DOK6: variants seen among roughly 807,000 people sequenced by gnomAD.
DOK6 encodes the protein downstream of tyrosine kinase 6.
A neutral mutation model predicts 44.0 loss-of-function variants in DOK6; 22 were observed. That is an observed-to-expected ratio of 0.50 (90% confidence interval 0.36 to 0.71). The LOEUF is 0.71. Among genes scored for constraint, DOK6 ranks in the 30% least tolerant of loss-of-function variants. DOK6 has a pLI of 0.00. For missense variants in DOK6, 340 were observed against 416.4 expected (o/e 0.82, Z 1.60); for synonymous variants, 166 against 145.5 (o/e 1.14, Z -1.01).
rs1015548957 is a variant in DOK6, at chr18:69,674,671, C to T, written c.290-3063C>T. 1.6e-4 allele frequency among the ~76,000 whole-genome samples: 24 copies of T among 152,144 alleles called. No homozygotes were observed. The Middle Eastern group carries it at 0.01, about 65-fold the overall frequency. On this transcript the variant is annotated intron_variant, in intron 3 of 7. Coordinates refer to ENST00000382713, the MANE Select transcript of DOK6 (RefSeq NM_152721.6). The stretch of plus-strand genomic sequence containing the variant: ...ACTCACACACACTGATATACACGCA[C>T]GCTCACTAACACACACATCATCATT...
chr18:69,432,277 T>C (rs895319486), intron 1 of DOK6, among the ~76,000 whole-genome samples: 43 of 152,118 alleles, frequency 2.8e-4, no homozygotes, highest in African/African-American at 1.0e-3. Context: ...AACCTGTCTC[T>C]ACAAAAAATT....
intron 1 of DOK6, among the ~76,000 whole-genome samples, chr18:69,542,282 C>T (rs17774349): frequency 0.18 from 27,659 of 151,300 alleles, 3,752 homozygotes; most frequent in Middle Eastern, 0.35. Flanking sequence ...TCTGCCTGAC[C>T]GACCCATTTT....
chr18:69,522,162 T>C (rs1010256847), intron 1 of DOK6, among the ~76,000 whole-genome samples: 1 of 151,878 alleles, frequency 6.6e-6, no homozygotes, highest in Non-Finnish European at 1.5e-5. Context: ...AGTGTCTTTA[T>C]GTTTGCGTGC....
chr18:69,816,368 T>G (rs1253967685), intron 7 of DOK6, among the ~76,000 whole-genome samples: 1 of 152,148 alleles, frequency 6.6e-6, no homozygotes, highest in Non-Finnish European at 1.5e-5. Context: ...TTCGAAATAA[T>G]AGGAACTATG....
intron 1 of DOK6, among the ~76,000 whole-genome samples, chr18:69,405,979 G>T (rs971826029): frequency 2.0e-5 from 3 of 152,074 alleles, no homozygotes; most frequent in Non-Finnish European, 2.9e-5. Flanking sequence ...TGGATCTGTG[G>T]TATCTATGTT....
chr18:69,477,369 A>C (rs756682401), intron 1 of DOK6, among the ~76,000 whole-genome samples: 3 of 150,874 alleles, frequency 2.0e-5, no homozygotes, highest in Non-Finnish European at 4.5e-5. Flanking sequence ...CTTAACTTTC[A>C]TCAAGATCAA....
chr18:69,821,801 A>ATTTT (rs1555673049), intron 7 of DOK6, among the ~76,000 whole-genome samples: 31 of 113,376 alleles, frequency 2.7e-4, no homozygotes, highest in Admixed American at 1.3e-3. Context: ...TTTTTTTTTA[A>ATTTT]AAAAAATCCT....
At chr18:69,650,493 C>T (rs1478793300) in intron 3 of DOK6, among the ~76,000 whole-genome samples, 1 of 152,134 alleles carries the variant, frequency 6.6e-6, no homozygotes, top group African/African-American at 2.4e-5. Context: ...CTAGATATTG[C>T]TTGGCATACT....
intron 1 of DOK6, among the ~76,000 whole-genome samples, chr18:69,431,036 A>G (rs1440407177): frequency 6.6e-6 from 1 of 152,192 alleles, no homozygotes; most frequent in Admixed American, 6.5e-5. Context: ...ACCACCATTG[A>G]CAGCCTCCAC....
Position 69,429,620 on chromosome 18 carries a change from C to CATATATAT in DOK6, c.66+28347_66+28354dup, listed in dbSNP as rs143819043. Among the ~76,000 whole-genome samples, 796 of 105,528 alleles carry CATATATAT rather than the reference C, an allele frequency of 7.5e-3. 27 individuals are homozygous for CATATATAT. The highest frequency in any genetic ancestry group is 0.01 in the Non-Finnish European group (512 of 49,758). 69.2% of individuals were successfully genotyped at this position (105,528 alleles called of 152,430 possible). A position where few individuals can be genotyped will look rare whatever the true frequency, so the allele number is the denominator to read the frequency against. Reference sequence around the variant, plus strand: ...TCTATAAGGAAAATATTGAGGGATACATATATATATATATATATATATATA... The same window carrying CATATATAT: ...TCTATAAGGAAAATATTGAGGGATACATATATATATATATATATATATATATATATATA... On this transcript the variant is annotated intron_variant, in intron 1 of 7. Transcript: ENST00000382713.
At chr18:69,686,080 G>A (rs1387143964) in intron 4 of DOK6, among the ~76,000 whole-genome samples, 1 of 152,072 alleles carries the variant, frequency 6.6e-6, no homozygotes, top group African/African-American at 2.4e-5. Flanking sequence ...GTCCTTGTAA[G>A]AAGAGGAAAT....
At chr18:69,622,937 C>T (rs753823018) in intron 3 of DOK6, among the ~76,000 whole-genome samples, 22 of 152,118 alleles carry the variant, frequency 1.4e-4, no homozygotes, top group African/African-American at 2.4e-4. Flanking sequence ...CCATTTGAGT[C>T]GGAATTGCCA....
chr18:69,477,088 T>A (rs1398787546), intron 1 of DOK6, among the ~76,000 whole-genome samples: 1 of 152,252 alleles, frequency 6.6e-6, no homozygotes, highest in Non-Finnish European at 1.5e-5. Flanking sequence ...GTATCATTTT[T>A]AAAGATAGAT....
intron 3 of DOK6, among the ~76,000 whole-genome samples, chr18:69,653,041 T>C (rs897343626): frequency 1.3e-5 from 2 of 152,154 alleles, no homozygotes; most frequent in African/African-American, 2.4e-5. Flanking sequence ...ACCAACACTC[T>C]CGTTAAAAAC....
chr18:69,569,609 A>G (rs958678214), intron 2 of DOK6, among the ~76,000 whole-genome samples: 1 of 152,254 alleles, frequency 6.6e-6, no homozygotes, highest in Non-Finnish European at 1.5e-5. Flanking sequence ...TTAGAATGGG[A>G]TTTAAAACCA....
chr18:69,422,793 C>G (rs941374526), intron 1 of DOK6, among the ~76,000 whole-genome samples: 1 of 152,160 alleles, frequency 6.6e-6, no homozygotes, highest in African/African-American at 2.4e-5. Context: ...CATAATTATT[C>G]CTCTTAAAAT....
chr18:69,581,277 G>A (rs904767037), intron 2 of DOK6, among the ~76,000 whole-genome samples: 2 of 151,808 alleles, frequency 1.3e-5, no homozygotes, highest in African/African-American at 4.8e-5. Flanking sequence ...CTTGTTTGCT[G>A]TGGCTCATCA....
intron 3 of DOK6, among the ~76,000 whole-genome samples, chr18:69,647,085 C>CCA (rs1985099112): frequency 7.8e-6 from 1 of 128,606 alleles, no homozygotes; most frequent in Non-Finnish European, 1.7e-5. Context: ...TCTGTCTATC[C>CCA]TATCTGTCTA....
chr18:69,440,905 G>A (rs951338148), intron 1 of DOK6, among the ~76,000 whole-genome samples: 5 of 152,134 alleles, frequency 3.3e-5, no homozygotes, highest in Non-Finnish European at 5.9e-5. Flanking sequence ...CAAGTACTGA[G>A]TGAGTAGGTA....
Sources: gnomAD v4.1 joint callset for allele counts (sites outside exome capture counted in the v4.1 genomes callset) on GRCh38, gnomAD v4.1.1 for gene constraint, MANE v1.5 for transcripts, NCBI Gene and HGNC (gene_info 2026-07-23, HGNC 2026-07-21) for gene names.